MICU1: variants seen among roughly 807,000 people sequenced by gnomAD.
MICU1 encodes mitochondrial calcium uptake 1, also known as calcium uptake protein 1, mitochondrial.
In MICU1, 45 loss-of-function variants were observed where a neutral mutation model predicts 56.8. The observed-to-expected ratio is 0.79, with a 90% CI of 0.62 to 1.02. The LOEUF is 1.02. Among genes scored for constraint, MICU1 ranks in the 50% least tolerant of loss-of-function variants. The probability of loss-of-function intolerance (pLI) is 0.00; values close to 1 mark genes in which losing one functional copy is unlikely to be tolerated. For synonymous variants in MICU1, 186 were observed against 195.1 expected (o/e 0.95, Z 0.39); for missense variants, 504 against 587.1 (o/e 0.86, Z 1.46).
At chr10:72,535,742 A>C (rs1212138020) in intron 4 of MICU1, among the ~76,000 whole-genome samples, 1 of 152,212 alleles carries the variant, frequency 6.6e-6, no homozygotes, top group Non-Finnish European at 1.5e-5. Context: ...TCTCACAAGT[A>C]AAACTTGGTA....
intron 2 of MICU1, among the ~76,000 whole-genome samples, chr10:72,566,039 C>CATTTTCTT (rs1840425695): frequency 1.4e-5 from 1 of 69,838 alleles, no homozygotes; most frequent in Non-Finnish European, 2.6e-5. Context: ...CATTCATTTT[C>CATTTTCTT]TTTTTTTTTT....
intron 1 of MICU1, among the ~76,000 whole-genome samples, chr10:72,574,290 G>A (rs1021055753): frequency 5.9e-5 from 9 of 152,158 alleles, no homozygotes; most frequent in African/African-American, 1.9e-4. Flanking sequence ...AGTACTTTGG[G>A]AGGCTGAGGT....
chr10:72,522,008 A>G (rs1867838097), intron 5 of MICU1, among the ~76,000 whole-genome samples: 1 of 152,098 alleles, frequency 6.6e-6, no homozygotes, highest in African/African-American at 2.4e-5. Flanking sequence ...GAAGTTTTTC[A>G]TTCAAGTTTA....
chr10:72,417,075 T>C (rs922239860), intron 9 of MICU1, among the ~76,000 whole-genome samples: 2 of 152,318 alleles, frequency 1.3e-5, no homozygotes, highest in Middle Eastern at 3.4e-3. Context: ...GATCGATAAA[T>C]ATTGAATATA....
At chr10:72,583,527 T>C (rs1840963256) in intron 1 of MICU1, among the ~76,000 whole-genome samples, 1 of 152,134 alleles carries the variant, frequency 6.6e-6, no homozygotes, top group Non-Finnish European at 1.5e-5. Context: ...GTGATCCCCC[T>C]GCCTTGGCCT....
At chr10:72,426,300 G>A (rs1362613614) in intron 8 of MICU1, among the ~76,000 whole-genome samples, 7 of 151,822 alleles carry the variant, frequency 4.6e-5, no homozygotes, top group African/African-American at 9.7e-5. Flanking sequence ...GATTACAGGC[G>A]TGAGCCACTG....
chr10:72,385,514 A>C (rs572576073), intron 10 of MICU1, among the ~76,000 whole-genome samples: 1 of 152,242 alleles, frequency 6.6e-6, no homozygotes, highest in South Asian at 2.1e-4. Flanking sequence ...ACAAACAAAA[A>C]ACCAAAAAAC....
intron 1 of MICU1, among the ~76,000 whole-genome samples, chr10:72,601,198 C>T (rs1375529475): frequency 6.6e-6 from 1 of 151,886 alleles, no homozygotes; most frequent in East Asian, 1.9e-4. Context: ...AGGTTGGGTA[C>T]CTTGCTTGAG....
At chr10:72,579,308 AG>A (rs1366946538) in intron 1 of MICU1, among the ~76,000 whole-genome samples, 5 of 152,130 alleles carry the variant, frequency 3.3e-5, no homozygotes, top group African/African-American at 7.2e-5. Flanking sequence ...GTGTCTAGTA[AG>A]GGCCTGTTCC....
chr10:72,416,482 T>C (rs1377233661), intron 9 of MICU1, among the ~76,000 whole-genome samples: 1 of 152,148 alleles, frequency 6.6e-6, no homozygotes, highest in East Asian at 1.9e-4. Context: ...GGTTCAAATA[T>C]CTGAGAATAA....
intron 11 of MICU1, among the ~76,000 whole-genome samples, chr10:72,375,382 G>T (rs1049943060): frequency 6.6e-6 from 1 of 152,198 alleles, no homozygotes; most frequent in African/African-American, 2.4e-5. Flanking sequence ...ATGCTATGGA[G>T]ATGGAATGCA....
intron 1 of MICU1, among the ~76,000 whole-genome samples, chr10:72,583,439 C>T (rs572341059): frequency 2.6e-5 from 4 of 152,136 alleles, no homozygotes; most frequent in Non-Finnish European, 4.4e-5. Context: ...TACCACCACA[C>T]CTGGCTAATT....
chr10:72,507,540 G>A (rs548416427), intron 6 of MICU1, among the ~76,000 whole-genome samples: 23 of 152,172 alleles, frequency 1.5e-4, no homozygotes, highest in Non-Finnish European at 3.4e-4. Context: ...TGTGTTATTG[G>A]AGAAGCAGTA....
chr10:72,402,080 C>T (rs1254894579), intron 10 of MICU1, among the ~76,000 whole-genome samples: 2 of 151,928 alleles, frequency 1.3e-5, no homozygotes, highest in African/African-American at 2.4e-5. Context: ...CTTCCCAGTG[C>T]CAGGGATGAA....
At chr10:72,458,099 G>A (rs575507508) in intron 8 of MICU1, among the ~76,000 whole-genome samples, 69 of 151,740 alleles carry the variant, frequency 4.5e-4, no homozygotes, top group African/African-American at 1.6e-3. Context: ...CCTGGGAGGC[G>A]GAGGTTGCAG....
intron 10 of MICU1, among the ~76,000 whole-genome samples, chr10:72,390,536 A>T (rs1030855820): frequency 6.6e-6 from 1 of 152,164 alleles, no homozygotes; most frequent in African/African-American, 2.4e-5. Context: ...ATTGCAGTAT[A>T]CAGTGTTCTT....
At chr10:72,376,536 T>G (rs1862528643) in intron 10 of MICU1, among the ~76,000 whole-genome samples, 1 of 152,082 alleles carries the variant, frequency 6.6e-6, no homozygotes, top group Non-Finnish European at 1.5e-5. Context: ...CTTGGGAGGC[T>G]GAGGTGAGAG....
intron 1 of MICU1, among the ~76,000 whole-genome samples, chr10:72,622,748 G>T (rs1311984824): frequency 6.6e-6 from 1 of 152,096 alleles, no homozygotes; most frequent in African/African-American, 2.4e-5. Context: ...TTTCGATAAT[G>T]TTTCCATTTT....
chr10:72,474,616 C>T (rs1314617231), intron 8 of MICU1, among the ~76,000 whole-genome samples: 4 of 152,154 alleles, frequency 2.6e-5, no homozygotes, highest in African/African-American at 4.8e-5. Context: ...CTTAGCCTCC[C>T]GGGTAGCTGG....
Sources: allele counts gnomAD v4.1 joint callset (sites outside exome capture counted in the v4.1 genomes callset), GRCh38; gene constraint gnomAD v4.1.1; transcripts MANE v1.5; gene names NCBI Gene and HGNC (gene_info 2026-07-23, HGNC 2026-07-21).